The following ATG9B variants were observed in gnomAD, a reference collection of about 807,000 sequenced individuals.
ATG9B encodes the protein autophagy-related protein 9B.
ATG9B carries 92 observed loss-of-function variants against 92.9 expected under a neutral mutation model. The observed-to-expected ratio is 0.99, with a 90% CI of 0.84 to 1.18. ATG9B has a LOEUF of 1.18. ATG9B is among the 50% of genes most tolerant of loss of function. The pLI, the probability that ATG9B is intolerant of heterozygous loss-of-function variation, is 0.00. For synonymous variants in ATG9B, 599 were observed against 551.4 expected, an observed-to-expected ratio of 1.09 and a Z score of -1.21; for missense variants, 1,344 against 1,235.0, an observed-to-expected ratio of 1.09 and a Z score of -1.32.
chr7:151,018,508 T>G lies in ATG9B; in HGVS notation c.1719-61A>C, dbSNP rs1795605983. The G allele has an allele frequency of 1.4e-5, 21 of 1,516,548 alleles. No individual in the cohort carries two copies. Among genetic ancestry groups the G allele is most frequent in the Non-Finnish European group, 1.8e-5 (20 of 1,134,848 alleles). The allele number at this position is 1,516,548 out of a possible 1,614,324, so 93.9% of individuals were successfully genotyped here. A position where few individuals can be genotyped will look rare whatever the true frequency, so the allele number is the denominator to read the frequency against. ...GATTAGGAGGACGCGCGGTGGGATG[T>G]AGGGCTAGAGGGCCCCAGTGGTGGG... On this transcript the variant is annotated intron_variant, in intron 6 of 13. Transcript: ENST00000639579. This position sits in a 1 kb window ranked among gnomAD's most constrained non-coding sequence, Gnocchi z 4.7.
rs1563270256 is a variant in ATG9B at position 151,024,367 on chromosome 7, A to T, written c.57T>A (p.Asp19Glu). 1 of 1,382,770 alleles carries T rather than the reference A, an allele frequency of 7.2e-7. No homozygotes were observed. Among genetic ancestry groups the T allele is most frequent in the African/African-American group, 1.5e-5 (1 of 67,742 alleles). The allele number at this position is 1,382,770 out of a possible 1,614,324, so 85.7% of individuals were successfully genotyped here. Residue 19 changes from aspartate to glutamate, a missense_variant, in exon 1 of 14, where the codon GAT becomes GAA. Transcript: ENST00000639579. ...GRRRRLGRWGDLGPGSVPLLP... is the reference protein window; with the variant it reads ...GRRRRLGRWGELGPGSVPLLP... ...GGAGGGGCACCGATCCGGGCCCCAGATCTCCCCACCGCCCCAGCCGCCTTC... is the reference window on the plus strand; with the variant it reads ...GGAGGGGCACCGATCCGGGCCCCAGTTCTCCCCACCGCCCCAGCCGCCTTC...
intron 4 of ATG9B, among the ~76,000 whole-genome samples, chr7:151,022,724 T>C (rs1795796308): frequency 6.6e-6 from 1 of 151,576 alleles, no homozygotes. Context: ...TAATCCCAGC[T>C]ACTGGGGAGG....
chr7:151,013,676 C>G (rs761691385), downstream of ATG9B: 19 of 1,454,330 alleles, frequency 1.3e-5, no homozygotes, highest in Admixed American at 3.1e-4. Flanking sequence ...GGGCTGCGCC[C>G]CCGCGCCCAC....
chr7:151,019,050 C>T lies in ATG9B; in HGVS notation c.1288G>A (p.Ala430Thr). Residue 430 changes from alanine (A) to threonine (T), a missense_variant, in exon 6 of 14, where the codon GCC becomes ACC. By Grantham distance (58) the Ala-to-Thr change is moderately conservative (BLOSUM62 0). Coordinates refer to ENST00000639579, the MANE Select transcript of ATG9B (RefSeq NM_001317056.2). ...GTGCGCCCCCAGCGCGCTGCTAGGG[C>T]GCCCCGCTGGTCGCTGCGCTTGTAG... is the stretch of plus-strand genomic sequence containing the variant. ...HAYKRSDQRG[A>T]LAARWGRTVL... The T allele has an allele frequency of 2.0e-6, 3 of 1,538,380 alleles. No homozygotes were observed. The highest frequency in any genetic ancestry group is 2.6e-6 in the Non-Finnish European group (3 of 1,147,256).
chr7:151,020,733 G>A (rs1795716118), intron 5 of ATG9B, among the ~76,000 whole-genome samples: 1 of 152,136 alleles, frequency 6.6e-6, no homozygotes, highest in Non-Finnish European at 1.5e-5. Flanking sequence ...TGGCTTTGAA[G>A]GCTCTGTTTT....
At position 151,018,409 on chromosome 7, in the gene ATG9B, G is replaced by A. The variant is rs776490000; in HGVS notation, c.1757C>T (p.Pro586Leu). The A allele has an allele frequency of 6.4e-7, 1 of 1,556,802 alleles. No homozygotes were observed. Among genetic ancestry groups the A allele is most frequent in the East Asian group, 2.3e-5 (1 of 44,012 alleles). ...CAGGGCTGTCTGCAGCAGGAGCTGC[G>A]GCGCACGACCCTGGCACTGCTCTTC... ...IPEEQCQGRA[P>L]QLLLQTALAH... The change falls in exon 7 of 14, where the codon CCG (proline) becomes CTG (leucine). Residue 586 changes from proline (P) to leucine (L), a missense_variant. Coordinates refer to ENST00000639579, the MANE Select transcript of ATG9B (RefSeq NM_001317056.2). The surrounding 1 kb of genome is among the most constrained non-coding windows in gnomAD (Gnocchi z 4.7).
At position 151,024,248 on chromosome 7, in the gene ATG9B, G is replaced by T; in HGVS notation, c.176C>A (p.Thr59Lys). The change falls in exon 1 of 14, where the codon ACA (threonine) becomes AAA (lysine). Residue 59 changes from threonine (T) to lysine (K), a missense_variant. By Grantham distance (78) the Thr-to-Lys change is moderately conservative. Coordinates refer to ENST00000639579, the MANE Select transcript of ATG9B (RefSeq NM_001317056.2). The part of the protein sequence containing the change: ...SIFSLSPAPH[T>K]RSSPSSFSPP... The stretch of plus-strand genomic sequence containing the variant: ...GGAAAATGAGGAGGGGGAGCTTCTT[G>T]TATGAGGGGCAGGGGACAGAGAGAA... 2 of 1,476,916 alleles carry T rather than the reference G, an allele frequency of 1.4e-6. No homozygotes were observed. Among genetic ancestry groups the T allele is most frequent in the Non-Finnish European group, 1.8e-6 (2 of 1,111,916 alleles). The allele number at this position is 1,476,916 out of a possible 1,614,324, so 91.5% of individuals were successfully genotyped here.
chr7:151,013,439 G>A (rs1266266630), downstream of ATG9B: 1 of 1,546,198 alleles, frequency 6.5e-7, no homozygotes, highest in Non-Finnish European at 8.7e-7. Flanking sequence ...GAGGACTCGC[G>A]CTCTCCAGCG....
At chr7:151,016,904 AG>A (rs1411986756) in intron 9 of ATG9B, 83 bp from the exon 10 acceptor site, 1 of 1,532,044 alleles carries the variant, frequency 6.5e-7, no homozygotes, top group East Asian at 2.3e-5. Context: ...AGAGGCCTAA[AG>A]AAGGCAGGAG....
chr7:151,018,061 A>T lies in ATG9B; in HGVS notation c.1873-11T>A. 1 of 1,568,696 alleles carries T rather than the reference A, an allele frequency of 6.4e-7. No individual in the cohort carries two copies. ...CTCCAGGAGGGAGACCTGGGGAAGC[A>T]GCGGTGAGGCTGAGCAGGGGTCGCT... On this transcript the variant is annotated splice_polypyrimidine_tract_variant and intron_variant, in intron 7 of 13. Transcript: ENST00000639579. The surrounding 1 kb of genome is among the most constrained non-coding windows in gnomAD (Gnocchi z 4.7).
chr7:151,013,887 A>T (rs747627829), downstream of ATG9B: 2 of 1,601,266 alleles, frequency 1.2e-6, no homozygotes, highest in Non-Finnish European at 1.7e-6. Context: ...ATGGAGCTGG[A>T]CGAGGCCGGC....
In ATG9B at chr7:151,016,477, T is replaced by A. The variant is rs539205636; in HGVS notation, c.2474A>T (p.Glu825Val). Residue 825 changes from glutamate to valine, a missense_variant, in exon 11 of 14, where the codon GAA becomes GTA. Physicochemically the swap from Glu to Val is moderately radical, Grantham distance 121 (BLOSUM62 -2). Coordinates refer to ENST00000639579, the MANE Select transcript of ATG9B (RefSeq NM_001317056.2). ...TGGQKLAQLP[E>V]LASAEMSLHV... ...GAGACTCATCTCGGCAGAAGCAAGTTCTGGGAGCTGGGCCAGCTTCTGGCC... is the reference window on the plus strand; with the variant it reads ...GAGACTCATCTCGGCAGAAGCAAGTACTGGGAGCTGGGCCAGCTTCTGGCC... 342 of 1,551,356 alleles carry A rather than the reference T, an allele frequency of 2.2e-4. No individual in the cohort carries two copies. The East Asian group carries it at 3.7e-3, about 17-fold the overall frequency.
At position 151,022,377 on chromosome 7, in the gene ATG9B, C is replaced by T. The variant is rs566519065; in HGVS notation, c.821+668G>A. Reference sequence around the variant, plus strand: ...TCTCAAACTTCTGGCTTCAAGCAATCCTCCTGCCTCAGCCTCCCAAAGTGC... The same window carrying T: ...TCTCAAACTTCTGGCTTCAAGCAATTCTCCTGCCTCAGCCTCCCAAAGTGC... On this transcript the variant is annotated intron_variant, in intron 4 of 13. Coordinates refer to ENST00000639579, the MANE Select transcript of ATG9B (RefSeq NM_001317056.2). Among the ~76,000 whole-genome samples the T allele has an allele frequency of 1.1e-3, 165 of 150,598 alleles. 11 individuals carry two copies. Among genetic ancestry groups the T allele is most frequent in the Non-Finnish European group, 8.6e-4 (58 of 67,544 alleles).
At chr7:151,015,763 G>A (rs1795451882) in intron 13 of ATG9B, 50 bp from the exon 14 acceptor site, 1 of 1,355,966 alleles carries the variant, frequency 7.4e-7, no homozygotes, top group Non-Finnish European at 9.8e-7. Context: ...CTAGATTCCA[G>A]AGATGACCAC....
chr7:151,012,217 T>G, downstream of ATG9B: 2 of 723,474 alleles, frequency 2.8e-6, no homozygotes, highest in Non-Finnish European at 4.2e-6. Flanking sequence ...AGTTGTTTTT[T>G]GTTTTTTGTT....
In ATG9B at chr7:151,018,079, G is replaced by C; in HGVS notation, c.1873-29C>G. The C allele has an allele frequency of 2.6e-6, 4 of 1,546,402 alleles. No individual in the cohort carries two copies. Among genetic ancestry groups the C allele is most frequent in the Middle Eastern group, 1.9e-4 (1 of 5,200 alleles). ...GGGAAGCAGCGGTGAGGCTGAGCAG[G>C]GGTCGCTGAGGGGCCCACGCGCGTT... On this transcript the variant is annotated intron_variant, in intron 7 of 13. Coordinates refer to ENST00000639579, the MANE Select transcript of ATG9B (RefSeq NM_001317056.2). This position sits in a 1 kb window ranked among gnomAD's most constrained non-coding sequence, Gnocchi z 4.7.
At chr7:151,015,834 C>T in intron 13 of ATG9B, 48 bp downstream of exon 13, 1 of 1,514,930 alleles carries the variant, frequency 6.6e-7, no homozygotes, top group Non-Finnish European at 8.9e-7. Context: ...TCCAAACCAA[C>T]TACCTATGCC....
downstream of ATG9B, chr7:151,013,738 C>A: frequency 6.2e-7 from 1 of 1,608,464 alleles, no homozygotes; most frequent in East Asian, 2.2e-5. Flanking sequence ...ACGTGCAGGA[C>A]ATCCTGAGGA....
chr7:151,022,925 C>T (rs1795804194), intron 4 of ATG9B, 120 bp downstream of exon 4: 1 of 1,352,890 alleles, frequency 7.4e-7, no homozygotes, highest in African/African-American at 1.5e-5. Flanking sequence ...TATTTTTGGT[C>T]CTAAGACCAA....
Sources: gnomAD v4.1 joint callset for allele counts (sites outside exome capture counted in the v4.1 genomes callset) on GRCh38, gnomAD v4.1.1 for gene constraint, Gnocchi (gnomAD v3.1) non-coding constraint, MANE v1.5 for transcripts, NCBI Gene and HGNC (gene_info 2026-07-23, HGNC 2026-07-21) for gene names.